BCAS3: variants seen among roughly 807,000 people sequenced by gnomAD.
The protein encoded by BCAS3 is BCAS3 microtubule associated cell migration factor, also known as BCAS4/BCAS3 fusion.
A neutral mutation model predicts 116.1 loss-of-function variants in BCAS3; 53 were observed. The ratio of observed to expected loss-of-function variants is 0.46; its 90% CI spans 0.37 to 0.57. The LOEUF (loss-of-function observed/expected upper bound fraction) is 0.57. BCAS3 is among the 20% of genes least tolerant of loss of function. BCAS3 has a pLI of 0.00. For synonymous variants in BCAS3, 391 were observed against 408.2 expected (o/e 0.96, Z 0.51); for missense variants, 917 against 1,165.4 (o/e 0.79, Z 3.10).
chr17:60,938,037 C>G (rs1210212472), intron 13 of BCAS3, among the ~76,000 whole-genome samples: 1 of 151,774 alleles, frequency 6.6e-6, no homozygotes, highest in African/African-American at 2.4e-5. Flanking sequence ...TGAGACGGAG[C>G]TGGAGTGCAG....
intron 6 of BCAS3, among the ~76,000 whole-genome samples, chr17:60,772,985 A>G (rs1451107012): frequency 6.6e-6 from 1 of 152,222 alleles, no homozygotes; most frequent in African/African-American, 2.4e-5. Context: ...ATCAAGGAGC[A>G]TGCTTTTGGC....
chr17:61,038,721 G>A (rs1268627790), intron 18 of BCAS3, among the ~76,000 whole-genome samples: 5 of 143,400 alleles, frequency 3.5e-5, no homozygotes, highest in Admixed American at 1.4e-4. Flanking sequence ...CAGGCTGGAG[G>A]GCAGTGGCAC....
At position 61,126,480 on chromosome 17, in the gene BCAS3, T is replaced by C. The variant is rs528023462; in HGVS notation, c.2425+41916T>C. On this transcript the variant is annotated intron_variant, in intron 22 of 23. Transcript: ENST00000407086. The surrounding 1 kb of genome is among the most constrained non-coding windows in gnomAD (Gnocchi z 4.6). ...ACAATAGTCATTATATGATTTTGTA[T>C]TTTAAGTATTTTCATAATCCAACAT... Among the ~76,000 whole-genome samples the C allele has an allele frequency of 7.2e-5, 11 of 152,316 alleles. No homozygotes were observed. In the South Asian group the frequency reaches 8.3e-4, roughly 11 times the overall value.
At chr17:61,193,821 A>G (rs1369869983) in intron 22 of BCAS3, among the ~76,000 whole-genome samples, 8 of 151,048 alleles carry the variant, frequency 5.3e-5, no homozygotes, top group Admixed American at 5.3e-4. Context: ...TATTCTGCTT[A>G]TAAAAAAAGT....
chr17:60,777,338 A>C (rs1391259136), intron 6 of BCAS3, among the ~76,000 whole-genome samples: 1 of 152,132 alleles, frequency 6.6e-6, no homozygotes, highest in Non-Finnish European at 1.5e-5. Flanking sequence ...ACAAACTCAA[A>C]ACTTGGCCCA....
chr17:61,066,608 A>G (rs1198346906), intron 19 of BCAS3, among the ~76,000 whole-genome samples: 1 of 152,162 alleles, frequency 6.6e-6, no homozygotes, highest in Non-Finnish European at 1.5e-5. Flanking sequence ...GCTCTAATGT[A>G]CAGTATATTT....
At chr17:61,149,670 A>C (rs1196583172) in intron 22 of BCAS3, among the ~76,000 whole-genome samples, 1 of 152,206 alleles carries the variant, frequency 6.6e-6, no homozygotes, top group East Asian at 1.9e-4. Context: ...TGAGAAGCAC[A>C]CATGTGTTGG....
chr17:61,344,916 TAC>T lies in BCAS3; in HGVS notation c.2426-23395_2426-23394del, dbSNP rs143541906. On this transcript the variant is annotated intron_variant, in intron 22 of 23. Coordinates refer to ENST00000407086, the MANE Select transcript of BCAS3 (RefSeq NM_017679.5). This position sits in a 1 kb window ranked among gnomAD's most constrained non-coding sequence, Gnocchi z 4.1. ...TATTTTATGATTCCTGGATCGGAAA[TAC>T]ACACACACACACACATACACACACA... Among the ~76,000 whole-genome samples the T allele has an allele frequency of 1.4e-4, 21 of 149,942 alleles. No homozygotes were observed. The highest frequency in any genetic ancestry group is 7.3e-4 in the Admixed American group (11 of 15,034).
In BCAS3 at chr17:60,706,219, C is replaced by T. The variant is rs571527606; in HGVS notation, c.215-3000C>T. ...CTGGGATTACAGGCACCCACCACCA[C>T]GCCCGGCTAATTTTTTGTATTTTTA... On this transcript the variant is annotated intron_variant, in intron 4 of 23. Coordinates refer to ENST00000407086, the MANE Select transcript of BCAS3 (RefSeq NM_017679.5). 7.4e-4 allele frequency among the ~76,000 whole-genome samples: 113 copies of T among 152,062 alleles called. 1 individual carries two copies. Among genetic ancestry groups the T allele is most frequent in the African/African-American group, 2.6e-3 (108 of 41,480 alleles).
At position 61,323,328 on chromosome 17, in the gene BCAS3, TG is replaced by T. The variant is rs2055468534; in HGVS notation, c.2426-44997del. On this transcript the variant is annotated intron_variant, in intron 22 of 23. Transcript: ENST00000407086. This position sits in a 1 kb window ranked among gnomAD's most constrained non-coding sequence, Gnocchi z 4.6. Reference sequence around the variant, plus strand: ...CTCACTGGTTGAATATGAATTTATGTGGAGCACTCAGCTACAACATGGAAAT... The same window carrying T: ...CTCACTGGTTGAATATGAATTTATGTGAGCACTCAGCTACAACATGGAAAT... 6.6e-6 allele frequency among the ~76,000 whole-genome samples: 1 copy of T among 152,200 alleles called. No homozygotes were observed. Among genetic ancestry groups the T allele is most frequent in the South Asian group, 2.1e-4 (1 of 4,830 alleles).
At chr17:61,052,325 A>G (rs970249044) in intron 19 of BCAS3, among the ~76,000 whole-genome samples, 1 of 152,058 alleles carries the variant, frequency 6.6e-6, no homozygotes, top group African/African-American at 2.4e-5. Flanking sequence ...AATTTCATTC[A>G]ATGTATTTTA....
At position 61,364,839 on chromosome 17, in the gene BCAS3, C is replaced by T. The variant is rs1189756465; in HGVS notation, c.2426-3488C>T. ...AGATCTGTTGCTCAGAGACTTTGAA[C>T]ATGTCACGTAACTTCTCAGAGCTTC... On this transcript the variant is annotated intron_variant, in intron 22 of 23. Coordinates refer to ENST00000407086, the MANE Select transcript of BCAS3 (RefSeq NM_017679.5). This position sits in a 1 kb window ranked among gnomAD's most constrained non-coding sequence, Gnocchi z 5.4. Among the ~76,000 whole-genome samples the T allele has an allele frequency of 1.3e-5, 2 of 152,210 alleles. No individual in the cohort carries two copies. Among genetic ancestry groups the T allele is most frequent in the African/African-American group, 2.4e-5 (1 of 41,460 alleles).
In BCAS3 at chr17:60,715,526, A is replaced by G. The variant is rs146190733; in HGVS notation, c.321+6201A>G. Among the ~76,000 whole-genome samples the G allele has an allele frequency of 3.3e-5, 5 of 151,238 alleles. 1 individual carries two copies. The East Asian group carries it at 9.8e-4, about 30-fold the overall frequency. ...TATTTTGAGATGGAGTCTCTCTGTG[A>G]CACTCAGGCTAGAGTGCAGTAGCGC... On this transcript the variant is annotated intron_variant, in intron 5 of 23. Transcript: ENST00000407086.
rs915040321 is a variant in BCAS3, at chr17:61,343,512, C to G, written c.2426-24815C>G. 2.0e-5 allele frequency among the ~76,000 whole-genome samples: 3 copies of G among 152,208 alleles called. No individual in the cohort carries two copies. Among genetic ancestry groups the G allele is most frequent in the Non-Finnish European group, 4.4e-5 (3 of 68,044 alleles). Reference sequence around the variant, plus strand: ...AACTTTTGCCCCAGAAGTTCTGACTCTAGTCTGGAGTGGGCCTTGTAGCTC... The same window carrying G: ...AACTTTTGCCCCAGAAGTTCTGACTGTAGTCTGGAGTGGGCCTTGTAGCTC... On this transcript the variant is annotated intron_variant, in intron 22 of 23. Coordinates refer to ENST00000407086, the MANE Select transcript of BCAS3 (RefSeq NM_017679.5). The surrounding 1 kb of genome is among the most constrained non-coding windows in gnomAD (Gnocchi z 5.5).
At chr17:61,236,557 T>C (rs1345234350) in intron 22 of BCAS3, among the ~76,000 whole-genome samples, 1 of 152,174 alleles carries the variant, frequency 6.6e-6, no homozygotes, top group Non-Finnish European at 1.5e-5. Context: ...CCTGACCTCG[T>C]GATCCACCCG....
At chr17:60,874,776 G>T in intron 9 of BCAS3, 38 bp downstream of exon 9, 6 of 1,328,030 alleles carry the variant, frequency 4.5e-6, no homozygotes, top group Non-Finnish European at 6.4e-6. Context: ...ATGCCTTTGG[G>T]TTTATACTAC....
At chr17:60,894,254 C>T (rs1377685694) in intron 10 of BCAS3, among the ~76,000 whole-genome samples, 8 of 151,936 alleles carry the variant, frequency 5.3e-5, no homozygotes, top group African/African-American at 1.9e-4. Context: ...CAATTTCTTT[C>T]ATCAGTGTTT....
intron 6 of BCAS3, among the ~76,000 whole-genome samples, chr17:60,794,313 C>G (rs888031946): frequency 2.0e-5 from 3 of 152,068 alleles, no homozygotes; most frequent in Non-Finnish European, 4.4e-5. Context: ...AGCCCTTTGT[C>G]AGATGTGTAG....
At chr17:60,716,232 A>G (rs2038593640) in intron 5 of BCAS3, among the ~76,000 whole-genome samples, 1 of 152,218 alleles carries the variant, frequency 6.6e-6, no homozygotes, top group Non-Finnish European at 1.5e-5. Flanking sequence ...TAAGCACAAT[A>G]GATGTGGTCT....
Sources: allele counts gnomAD v4.1 joint callset (sites outside exome capture counted in the v4.1 genomes callset), GRCh38; gene constraint gnomAD v4.1.1; non-coding constraint Gnocchi (gnomAD v3.1); transcripts MANE v1.5; gene names NCBI Gene and HGNC (gene_info 2026-07-23, HGNC 2026-07-21).